SDC1: variants seen among roughly 807,000 people sequenced by gnomAD.
The protein encoded by SDC1 is syndecan 1, also known as syndecan-1.
SDC1 carries 14 observed loss-of-function variants against 29.7 expected under a neutral mutation model. The observed-to-expected ratio is 0.47, with a 90% confidence interval of 0.31 to 0.74. The LOEUF (loss-of-function observed/expected upper bound fraction) is 0.74, where lower values mean the gene tolerates loss of function less well. Ranked by LOEUF, SDC1 falls within the 30% of genes least tolerant of loss-of-function variation. The probability of loss-of-function intolerance (pLI) is 0.05; values close to 1 mark genes in which losing one functional copy is unlikely to be tolerated. For missense variants in SDC1, 406 were observed against 400.3 expected, an observed-to-expected ratio of 1.01 and a Z score of -0.12; for synonymous variants, 204 against 175.5, an observed-to-expected ratio of 1.16 and a Z score of -1.29.
chr2:20,215,388 G>A (rs1056302390), intron 1 of SDC1, among the ~76,000 whole-genome samples: 2 of 152,272 alleles, frequency 1.3e-5, no homozygotes, highest in African/African-American at 4.8e-5. Flanking sequence ...GCAGCCCCTG[G>A]CAGAGGCTCG....
intron 1 of SDC1, among the ~76,000 whole-genome samples, chr2:20,210,538 C>T (rs947594696): frequency 2.0e-5 from 3 of 152,224 alleles, no homozygotes; most frequent in Non-Finnish European, 4.4e-5. Flanking sequence ...TTGGGCAGCG[C>T]AGGGGGCCTC....
At chr2:20,203,441 G>GAT (rs1677114610) in intron 3 of SDC1, among the ~76,000 whole-genome samples, 1 of 152,212 alleles carries the variant, frequency 6.6e-6, no homozygotes, top group African/African-American at 2.4e-5. Context: ...CACAAAAAGT[G>GAT]ATACAAAGCA....
rs1451148517 is a variant in SDC1 at position 20,224,560 on chromosome 2, G to C, written c.66+242C>G. 6.6e-6 allele frequency among the ~76,000 whole-genome samples: 1 copy of C among 151,556 alleles called. No homozygotes were observed. The highest frequency in any genetic ancestry group is 1.5e-5 in the Non-Finnish European group (1 of 67,816). On this transcript the variant is annotated intron_variant, in intron 1 of 4. Transcript: ENST00000254351. The surrounding 1 kb of genome is among the most constrained non-coding windows in gnomAD (Gnocchi z 4.9). ...AGATGTGGAGACGTTTTACATAATT[G>C]AGCGCGGGGCCCCGGCCCCCCACCC...
At position 20,202,159 on chromosome 2, in the gene SDC1, G is replaced by C. The variant is rs1000615386; in HGVS notation, c.*607C>G. 9 of 617,692 alleles carry C rather than the reference G, an allele frequency of 1.5e-5. No homozygotes were observed. The highest frequency in any genetic ancestry group is 2.7e-5 in the Admixed American group (1 of 36,710). The allele number at this position is 617,692 out of a possible 1,614,324, so 38.3% of individuals were successfully genotyped here. A position where few individuals can be genotyped will look rare whatever the true frequency, so the allele number is the denominator to read the frequency against. ...TGTCTCCCGACCATAGATTAGGGAA[G>C]CAAGATGGGGGGATACCGAATCAAC... is the stretch of plus-strand genomic sequence containing the variant. On this transcript the variant is annotated 3_prime_UTR_variant, in exon 5 of 5. Coordinates refer to ENST00000254351, the MANE Select transcript of SDC1 (RefSeq NM_002997.5).
rs981146916 is a variant in SDC1, at chr2:20,202,197, C to T, written c.*569G>A. The T allele has an allele frequency of 6.8e-6, 5 of 732,328 alleles. No homozygotes were observed. The African/African-American group carries it at 8.7e-5, about 13-fold the overall frequency. 45.4% of individuals were successfully genotyped at this position (732,328 alleles called of 1,614,324 possible). The stretch of plus-strand genomic sequence containing the variant: ...ATACCGAATCAACTTACTTAACTTA[C>T]CTCAGAAGTAACAAGGTCTACTGGG... On this transcript the variant is annotated 3_prime_UTR_variant, in exon 5 of 5. Transcript: ENST00000254351.
At chr2:20,211,432 G>A (rs1677461119) in intron 1 of SDC1, among the ~76,000 whole-genome samples, 1 of 152,190 alleles carries the variant, frequency 6.6e-6, no homozygotes, top group African/African-American at 2.4e-5. Flanking sequence ...GCTCAGCAAT[G>A]TCCTCTACAT....
intron 2 of SDC1, 101 bp downstream of exon 2, chr2:20,205,242 A>G (rs1401832296): frequency 2.2e-6 from 2 of 907,788 alleles, no homozygotes; most frequent in Non-Finnish European, 3.6e-6. Flanking sequence ...GGCAGGGTGC[A>G]CTCAGTACAT....
At chr2:20,217,980 T>G (rs1033891306) in intron 1 of SDC1, among the ~76,000 whole-genome samples, 2 of 152,190 alleles carry the variant, frequency 1.3e-5, no homozygotes, top group African/African-American at 4.8e-5. Context: ...TGCCCTCCAC[T>G]GGCCTTGCCC....
At chr2:20,206,775 A>C (rs950858366) in intron 1 of SDC1, among the ~76,000 whole-genome samples, 2 of 152,230 alleles carry the variant, frequency 1.3e-5, no homozygotes, top group Admixed American at 6.5e-5. Flanking sequence ...AAATGGGGAA[A>C]TAATAACATC....
At chr2:20,211,240 T>C in intron 1 of SDC1, among the ~76,000 whole-genome samples, 1 of 152,154 alleles carries the variant, frequency 6.6e-6, no homozygotes, top group East Asian at 1.9e-4. Flanking sequence ...AAGCCCCAGG[T>C]CCTGTAGGGG....
chr2:20,209,560 C>T lies in SDC1; in HGVS notation c.67-4136G>A, dbSNP rs375215781. On this transcript the variant is annotated intron_variant, in intron 1 of 4. Coordinates refer to ENST00000254351, the MANE Select transcript of SDC1 (RefSeq NM_002997.5). The stretch of plus-strand genomic sequence containing the variant: ...GGAGAGGAAATGGCGTAGACCAGAA[C>T]GGGACCTGTGCCACCAGGGATGGGG... Among the ~76,000 whole-genome samples, 10 of 152,330 alleles carry T rather than the reference C, an allele frequency of 6.6e-5. No individual in the cohort carries two copies. In the East Asian group the frequency reaches 1.7e-3, roughly 26 times the overall value.
intron 2 of SDC1, among the ~76,000 whole-genome samples, chr2:20,204,950 TC>T (rs1221314063): frequency 1.3e-5 from 2 of 152,244 alleles, no homozygotes; most frequent in African/African-American, 4.8e-5. Flanking sequence ...GCCTTACAGC[TC>T]CACAAGCTTA....
intron 1 of SDC1, among the ~76,000 whole-genome samples, chr2:20,207,082 G>A (rs558689283): frequency 7.9e-5 from 12 of 152,338 alleles, no homozygotes; most frequent in African/African-American, 2.9e-4. Context: ...CCTGGCCACA[G>A]GCCCACGGGT....
At chr2:20,222,931 G>A (rs1286364156) in intron 1 of SDC1, among the ~76,000 whole-genome samples, 2 of 152,206 alleles carry the variant, frequency 1.3e-5, no homozygotes, top group Non-Finnish European at 2.9e-5. Flanking sequence ...GGGGCAGTGA[G>A]GTGATGCCCA....
chr2:20,207,732 G>A (rs1201637739), intron 1 of SDC1, among the ~76,000 whole-genome samples: 1 of 151,116 alleles, frequency 6.6e-6, no homozygotes, highest in Non-Finnish European at 1.5e-5. Flanking sequence ...AAAACAAACA[G>A]TCATGGTCCA....
At chr2:20,203,288 A>G (rs1677106907) in intron 3 of SDC1, 66 bp from the exon 4 acceptor site, 2 of 1,534,286 alleles carry the variant, frequency 1.3e-6, no homozygotes, top group Admixed American at 1.8e-5. Flanking sequence ...CAGCTCCACT[A>G]CAAGACCCAG....
intron 1 of SDC1, among the ~76,000 whole-genome samples, chr2:20,216,442 G>A (rs1677628943): frequency 6.6e-6 from 1 of 152,198 alleles, no homozygotes; most frequent in African/African-American, 2.4e-5. Context: ...AATGACACCA[G>A]CCTCTAGGAA....
intron 1 of SDC1, among the ~76,000 whole-genome samples, chr2:20,210,103 A>T (rs1677416998): frequency 1.3e-5 from 2 of 152,248 alleles, no homozygotes; most frequent in Admixed American, 6.5e-5. Flanking sequence ...GCACTTCGGG[A>T]GGCCGAGGTA....
intron 1 of SDC1, among the ~76,000 whole-genome samples, chr2:20,216,935 T>A (rs1677644601): frequency 6.6e-6 from 1 of 151,864 alleles, no homozygotes; most frequent in African/African-American, 2.4e-5. Flanking sequence ...CACGTGGAAA[T>A]GACTATGAAC....
Sources: allele counts gnomAD v4.1 joint callset (sites outside exome capture counted in the v4.1 genomes callset), GRCh38; gene constraint gnomAD v4.1.1; non-coding constraint Gnocchi (gnomAD v3.1); transcripts MANE v1.5; gene names NCBI Gene and HGNC (gene_info 2026-07-23, HGNC 2026-07-21).